Variants in NAA16 observed in about 807,000 individuals in gnomAD.
NAA16 encodes the protein N-alpha-acetyltransferase 16, NatA auxiliary subunit, also known as NARG1-like protein.
NAA16 carries 97 observed loss-of-function variants against 110.3 expected under a neutral mutation model. That is an observed-to-expected ratio of 0.88 (90% CI 0.75 to 1.04). The LOEUF (loss-of-function observed/expected upper bound fraction) is 1.04, where lower values mean the gene tolerates loss of function less well. Among genes scored for constraint, NAA16 ranks in the 50% least tolerant of loss-of-function variants. The pLI is 0.00. For missense variants in NAA16, 1,017 were observed against 1,005.1 expected (o/e 1.01, Z -0.16); for synonymous variants, 372 against 330.6 (o/e 1.13, Z -1.36).
chr13:41,360,979 T>A (rs2043100973), intron 12 of NAA16, among the ~76,000 whole-genome samples: 1 of 152,162 alleles, frequency 6.6e-6, no homozygotes. Context: ...AGATAACTAG[T>A]TTTTAGACGT....
intron 10 of NAA16, among the ~76,000 whole-genome samples, chr13:41,355,594 T>G (rs1172383972): frequency 6.6e-6 from 1 of 152,102 alleles, no homozygotes; most frequent in Non-Finnish European, 1.5e-5. Flanking sequence ...CACTCCTGCC[T>G]AAGTGTTGTA....
intron 6 of NAA16, 89 bp downstream of exon 6, chr13:41,325,940 G>A: frequency 1.9e-6 from 2 of 1,060,550 alleles, no homozygotes; most frequent in Non-Finnish European, 1.3e-6. Context: ...CGTAACAGTT[G>A]TTATGTATCT....
At chr13:41,322,737 A>G (rs2041978561) in intron 4 of NAA16, among the ~76,000 whole-genome samples, 1 of 152,188 alleles carries the variant, frequency 6.6e-6, no homozygotes, top group Admixed American at 6.5e-5. Context: ...GTAGTTTAAT[A>G]AAAAACCATC....
Position 41,318,903 on chromosome 13 carries a change from T to G in NAA16, c.237T>G (p.Ser79Arg). ...VRKGLRNDVK[S>R]HVCWHVYGLL... ...AAGGACTTCGTAATGATGTCAAGAG[T>G]CATGTCTGTATCCTTTTGCAGTAGT... Residue 79 changes from serine (S) to arginine (R), a missense_variant, in exon 3 of 20, where the codon AGT (serine) becomes AGG (arginine). Transcript: ENST00000379406. The G allele has an allele frequency of 6.3e-7, 1 of 1,575,054 alleles. No homozygotes were observed. The highest frequency in any genetic ancestry group is 8.6e-7 in the Non-Finnish European group (1 of 1,158,600).
At chr13:41,349,484 T>C (rs2042770074) in intron 9 of NAA16, among the ~76,000 whole-genome samples, 1 of 15,940 alleles carries the variant, frequency 6.3e-5, no homozygotes, top group Non-Finnish European at 1.0e-4. Context: ...GCCTGGTCCT[T>C]TCTTTTTTTT....
chr13:41,318,667 G>GAGAAGTTCAAAT, intron 2 of NAA16, 139 bp from the exon 3 acceptor site: 2 of 417,352 alleles, frequency 4.8e-6, no homozygotes, highest in Admixed American at 4.3e-5. Context: ...TCTACTTGGA[G>GAGAAGTTCAAAT]AGAAGTTCAA....
At chr13:41,363,965 GT>G (rs2043161898) in intron 13 of NAA16, among the ~76,000 whole-genome samples, 1 of 152,156 alleles carries the variant, frequency 6.6e-6, no homozygotes, top group Admixed American at 6.5e-5. Context: ...ATGTAGAAAT[GT>G]GTTTCGTATA....
chr13:41,317,337 T>C (rs1388777616), intron 2 of NAA16, among the ~76,000 whole-genome samples: 1 of 151,642 alleles, frequency 6.6e-6, no homozygotes, highest in African/African-American at 2.4e-5. Context: ...GTGTTTTGTT[T>C]TGTTTTTTTT....
chr13:41,345,760 A>G (rs2042665970), intron 9 of NAA16, among the ~76,000 whole-genome samples: 1 of 151,984 alleles, frequency 6.6e-6, no homozygotes, highest in Non-Finnish European at 1.5e-5. Context: ...TTTTTTATAG[A>G]GACAGGGTTT....
intron 8 of NAA16, among the ~76,000 whole-genome samples, chr13:41,335,732 C>G (rs1007177634): frequency 1.3e-5 from 2 of 152,060 alleles, no homozygotes; most frequent in Non-Finnish European, 2.9e-5. Context: ...TCAACATAGT[C>G]ACAACAAATA....
intron 4 of NAA16, 37 bp downstream of exon 4, chr13:41,320,861 G>A (rs748500042): frequency 6.5e-7 from 1 of 1,538,766 alleles, no homozygotes; most frequent in African/African-American, 1.4e-5. Flanking sequence ...TGATTTTACA[G>A]TAGACAAAAT....
rs965736047 is a variant in NAA16, at chr13:41,323,073, T to G, written c.420T>G (p.Leu140=). The G allele has an allele frequency of 6.2e-7, 1 of 1,613,762 alleles. No homozygotes were observed. Among genetic ancestry groups the G allele is most frequent in the Non-Finnish European group, 8.5e-7 (1 of 1,179,906 alleles). ...TTTTTTAGGAGACAAGATACCAGCT[T>G]CTTCAGTTGCGCCCCACACAGCGTG... ...LEGYRETRYQ[L]LQLRPTQRAS... Residue 140 remains leucine, a synonymous_variant, in exon 5 of 20, where the codon CTT becomes CTG. Transcript: ENST00000379406.
chr13:41,315,825 A>G (rs1262066016), intron 1 of NAA16, among the ~76,000 whole-genome samples: 2 of 152,094 alleles, frequency 1.3e-5, no homozygotes, highest in Non-Finnish European at 2.9e-5. Flanking sequence ...GGCTGAGTGC[A>G]GTGGCACAGT....
rs569696810 is a variant in NAA16 at position 41,345,865 on chromosome 13, C to T, written c.1014+9109C>T. The stretch of plus-strand genomic sequence containing the variant: ...TTGGGATTACAGGCGTGAGCCAGCA[C>T]GCCGGGCCAGAAGTTTTAAAAATAT... On this transcript the variant is annotated intron_variant, in intron 9 of 19. Transcript: ENST00000379406. Among the ~76,000 whole-genome samples the T allele has an allele frequency of 4.6e-5, 7 of 152,360 alleles. No homozygotes were observed. In the East Asian group the frequency reaches 5.8e-4, roughly 13 times the overall value.
chr13:41,316,506 T>C (rs1240264500), intron 1 of NAA16, among the ~76,000 whole-genome samples: 2 of 152,108 alleles, frequency 1.3e-5, no homozygotes, highest in Non-Finnish European at 2.9e-5. Flanking sequence ...GGTTTCACCA[T>C]GTTGGCCAGG....
At position 41,372,322 on chromosome 13, in the gene NAA16, G is replaced by C; in HGVS notation, c.2056+11G>C. 3.2e-6 allele frequency: 5 copies of C among 1,559,992 alleles called. No homozygotes were observed. Among genetic ancestry groups the C allele is most frequent in the Non-Finnish European group, 3.5e-6 (4 of 1,156,714 alleles). On this transcript the variant is annotated intron_variant, in intron 16 of 19. Coordinates refer to ENST00000379406, the MANE Select transcript of NAA16 (RefSeq NM_024561.5). ...TATATTTTAGAAAAGGTAATAAATAGTTTGAGTTCAGTTTTTAATCTTTAA... is the reference window on the plus strand; with the variant it reads ...TATATTTTAGAAAAGGTAATAAATACTTTGAGTTCAGTTTTTAATCTTTAA...
At chr13:41,348,635 C>G (rs537222022) in intron 9 of NAA16, among the ~76,000 whole-genome samples, 1 of 152,090 alleles carries the variant, frequency 6.6e-6, no homozygotes, top group Non-Finnish European at 1.5e-5. Flanking sequence ...ATTTTGCTAT[C>G]AGGGTGATAC....
intron 19 of NAA16, 150 bp from the exon 20 acceptor site, chr13:41,375,255 G>T (rs751973945): frequency 2.0e-5 from 11 of 558,616 alleles, no homozygotes; most frequent in Non-Finnish European, 3.4e-5. Context: ...TGCCTTTTTT[G>T]AGGTGATTGC....
intron 9 of NAA16, among the ~76,000 whole-genome samples, chr13:41,351,645 ATTATC>A (rs1417893963): frequency 1.3e-5 from 2 of 152,226 alleles, no homozygotes; most frequent in Non-Finnish European, 2.9e-5. Context: ...CAGTTATGGT[ATTATC>A]TTAGGTTAGA....
Sources: gnomAD v4.1 joint callset for allele counts (sites outside exome capture counted in the v4.1 genomes callset) on GRCh38, gnomAD v4.1.1 for gene constraint, MANE v1.5 for transcripts, NCBI Gene and HGNC (gene_info 2026-07-23, HGNC 2026-07-21) for gene names.